Variants in GLRA3 observed in about 807,000 individuals in gnomAD.
GLRA3 encodes glycine receptor alpha 3.
Under a neutral mutation model 60.4 loss-of-function variants are expected in GLRA3, and 44 were observed. The ratio of observed to expected loss-of-function variants is 0.73; its 90% CI spans 0.57 to 0.94. The LOEUF is 0.94. Ranked by LOEUF, GLRA3 falls within the 40% of genes least tolerant of loss-of-function variation. The pLI is 0.00. For missense variants in GLRA3, 508 were observed against 564.6 expected (o/e 0.90, Z 1.02); for synonymous variants, 223 against 192.9 (o/e 1.16, Z -1.29).
At chr4:174,680,342 G>C (rs527400730) in intron 6 of GLRA3, among the ~76,000 whole-genome samples, 3 of 152,028 alleles carry the variant, frequency 2.0e-5, no homozygotes, top group South Asian at 4.2e-4. Context: ...GTGATCAACA[G>C]AATAAATATA....
intron 1 of GLRA3, among the ~76,000 whole-genome samples, chr4:174,803,232 T>C (rs2111347108): frequency 6.6e-6 from 1 of 152,216 alleles, no homozygotes; most frequent in South Asian, 2.1e-4. Flanking sequence ...CTAAAAATTG[T>C]CTCTTCTCGT....
At chr4:174,654,168 A>G (rs1733115115) in intron 9 of GLRA3, among the ~76,000 whole-genome samples, 1 of 152,180 alleles carries the variant, frequency 6.6e-6, no homozygotes, top group African/African-American at 2.4e-5. Flanking sequence ...TTGAATAATT[A>G]GTGTATATGG....
chr4:174,668,012 A>G (rs1733746173), intron 7 of GLRA3, among the ~76,000 whole-genome samples: 1 of 152,058 alleles, frequency 6.6e-6, no homozygotes. Context: ...CCATCCCTCT[A>G]GTGCTGTCTT....
chr4:174,730,994 T>A (rs1736526205), intron 3 of GLRA3, among the ~76,000 whole-genome samples: 2 of 152,194 alleles, frequency 1.3e-5, no homozygotes, highest in Admixed American at 6.5e-5. Flanking sequence ...ATTTTTGACA[T>A]TCTCACTCCT....
At chr4:174,785,688 T>C (rs377411719) in intron 2 of GLRA3, among the ~76,000 whole-genome samples, 1 of 152,162 alleles carries the variant, frequency 6.6e-6, no homozygotes, top group African/African-American at 2.4e-5. Flanking sequence ...CTAGGTAAGT[T>C]ATGTTTCTGT....
intron 4 of GLRA3, among the ~76,000 whole-genome samples, chr4:174,718,001 C>T (rs949794709): frequency 3.9e-5 from 6 of 151,948 alleles, no homozygotes; most frequent in Admixed American, 2.6e-4. Flanking sequence ...CATATCCTGG[C>T]TATTTTTCTG....
At chr4:174,743,712 A>G (rs1737116848) in intron 3 of GLRA3, among the ~76,000 whole-genome samples, 1 of 152,104 alleles carries the variant, frequency 6.6e-6, no homozygotes, top group Admixed American at 6.5e-5. Context: ...ATGATATTTT[A>G]GGTTTCCTTA....
intron 3 of GLRA3, among the ~76,000 whole-genome samples, chr4:174,732,122 C>T (rs1261747588): frequency 8.5e-5 from 13 of 152,226 alleles, no homozygotes; most frequent in Non-Finnish European, 1.6e-4. Context: ...TTCGGGAGGC[C>T]GAGGTGGGCG....
intron 3 of GLRA3, among the ~76,000 whole-genome samples, chr4:174,743,443 A>G (rs1737105159): frequency 6.6e-6 from 1 of 151,480 alleles, no homozygotes; most frequent in Admixed American, 6.6e-5. Flanking sequence ...ACACTTTTTG[A>G]GATATACCAG....
intron 7 of GLRA3, among the ~76,000 whole-genome samples, chr4:174,667,939 T>G (rs928900362): frequency 1.1e-4 from 16 of 152,098 alleles, no homozygotes; most frequent in African/African-American, 3.9e-4. Context: ...TAATACCTGG[T>G]GTTGGAGGTG....
chr4:174,790,895 T>C (rs1392801022), intron 1 of GLRA3, among the ~76,000 whole-genome samples: 3 of 141,426 alleles, frequency 2.1e-5, no homozygotes, highest in East Asian at 2.1e-4. Flanking sequence ...TCCCAGCTAC[T>C]GGGAAGGCTG....
intron 1 of GLRA3, among the ~76,000 whole-genome samples, chr4:174,801,650 C>G (rs189714679): frequency 6.6e-6 from 1 of 152,074 alleles, no homozygotes; most frequent in Non-Finnish European, 1.5e-5. Context: ...TTCAACCACA[C>G]CTTACCATGT....
intron 3 of GLRA3, among the ~76,000 whole-genome samples, chr4:174,749,901 A>C (rs572012428): frequency 6.6e-6 from 1 of 152,214 alleles, no homozygotes; most frequent in East Asian, 1.9e-4. Flanking sequence ...GGGAAAGAGT[A>C]AAAGTTCAAA....
At position 174,756,031 on chromosome 4, in the gene GLRA3, T is replaced by C. The variant is rs555893203; in HGVS notation, c.267+10932A>G. ...TTTGACAAGGAAAGGAAAAATTCAT[T>C]GAAAAACAAAACTATTACAAAACTG... On this transcript the variant is annotated intron_variant, in intron 3 of 9. Coordinates refer to ENST00000274093, the MANE Select transcript of GLRA3 (RefSeq NM_006529.4). Among the ~76,000 whole-genome samples, 7 of 152,258 alleles carry C rather than the reference T, an allele frequency of 4.6e-5. No homozygotes were observed. In the East Asian group the frequency reaches 1.2e-3, roughly 25 times the overall value.
intron 2 of GLRA3, among the ~76,000 whole-genome samples, chr4:174,774,360 GTGTA>G (rs1738509766): frequency 6.9e-6 from 1 of 143,954 alleles, no homozygotes; most frequent in Non-Finnish European, 1.6e-5. Context: ...GTATGTGTGT[GTGTA>G]TGTGTGTGTG....
intron 3 of GLRA3, among the ~76,000 whole-genome samples, chr4:174,749,393 G>C (rs1459257148): frequency 6.6e-6 from 1 of 152,120 alleles, no homozygotes; most frequent in Non-Finnish European, 1.5e-5. Context: ...AGGAGTTGTG[G>C]GAATAGGCAC....
At chr4:174,746,997 A>G (rs1737278551) in intron 3 of GLRA3, among the ~76,000 whole-genome samples, 1 of 152,220 alleles carries the variant, frequency 6.6e-6, no homozygotes, top group Non-Finnish European at 1.5e-5. Flanking sequence ...GAAGTCTTAC[A>G]ATTAAAGAAT....
At chr4:174,795,816 T>C (rs1377753650) in intron 1 of GLRA3, among the ~76,000 whole-genome samples, 6 of 152,180 alleles carry the variant, frequency 3.9e-5, no homozygotes, top group African/African-American at 1.4e-4. Context: ...GGTCTCCTTA[T>C]GAAGTGAGCA....
intron 3 of GLRA3, among the ~76,000 whole-genome samples, chr4:174,746,552 A>C (rs1343154447): frequency 6.6e-6 from 1 of 152,130 alleles, no homozygotes; most frequent in African/African-American, 2.4e-5. Flanking sequence ...ATAAATATAC[A>C]ATTAGATAGA....
Sources: gnomAD v4.1 joint callset for allele counts (sites outside exome capture counted in the v4.1 genomes callset) on GRCh38, gnomAD v4.1.1 for gene constraint, MANE v1.5 for transcripts, NCBI Gene and HGNC (gene_info 2026-07-23, HGNC 2026-07-21) for gene names.